Variants in AGBL4 observed in about 807,000 individuals in gnomAD.
AGBL4 encodes the protein cytosolic carboxypeptidase 6.
AGBL4 carries 58 observed loss-of-function variants against 66.4 expected under a neutral mutation model. The observed-to-expected ratio is 0.87, with a 90% CI of 0.71 to 1.09. The LOEUF is 1.09. Ranked by LOEUF, AGBL4 falls within the 50% of genes least tolerant of loss-of-function variation. AGBL4 has a pLI of 0.00. For synonymous variants in AGBL4, 234 were observed against 222.9 expected, an observed-to-expected ratio of 1.05 and a Z score of -0.44; for missense variants, 579 against 631.0, an observed-to-expected ratio of 0.92 and a Z score of 0.88.
intron 3 of AGBL4, among the ~76,000 whole-genome samples, chr1:49,694,901 G>C (rs1196186249): frequency 6.6e-6 from 1 of 151,988 alleles, no homozygotes; most frequent in East Asian, 1.9e-4. Flanking sequence ...CCTTGTATAA[G>C]CTGTATAAAG....
intron 1 of AGBL4, among the ~76,000 whole-genome samples, chr1:49,881,651 T>A (rs1038816323): frequency 6.6e-6 from 1 of 151,078 alleles, no homozygotes; most frequent in African/African-American, 2.5e-5. Flanking sequence ...TGATGAGCAT[T>A]TTTTCATGTG....
At chr1:49,018,612 C>T (rs1663002121) in intron 5 of AGBL4, among the ~76,000 whole-genome samples, 1 of 152,194 alleles carries the variant, frequency 6.6e-6, no homozygotes, top group African/African-American at 2.4e-5. Context: ...GGGTCCTGAG[C>T]ATCCAAGCTG....
At chr1:49,401,116 A>G (rs571107554) in intron 3 of AGBL4, among the ~76,000 whole-genome samples, 3 of 152,336 alleles carry the variant, frequency 2.0e-5, no homozygotes, top group African/African-American at 7.2e-5. Context: ...TTTATAAAGA[A>G]AAGAGGTTTA....
intron 1 of AGBL4, among the ~76,000 whole-genome samples, chr1:49,895,664 G>A (rs1649124481): frequency 6.6e-6 from 1 of 151,920 alleles, no homozygotes; most frequent in Non-Finnish European, 1.5e-5. Context: ...TGAGAATAAT[G>A]TGTTCTAAAA....
intron 4 of AGBL4, among the ~76,000 whole-genome samples, chr1:49,131,774 T>C (rs574556530): frequency 6.6e-6 from 1 of 152,252 alleles, no homozygotes; most frequent in South Asian, 2.1e-4. Flanking sequence ...AAGAATAATG[T>C]TCTAATTTCT....
At chr1:48,669,121 G>A (rs74076216) in intron 6 of AGBL4, among the ~76,000 whole-genome samples, 1,968 of 152,214 alleles carry the variant, frequency 0.013, 45 homozygotes, top group African/African-American at 0.044. Context: ...AGATGGACTG[G>A]GTCTCATAAC....
At chr1:49,844,026 C>T (rs551308408) in intron 2 of AGBL4, among the ~76,000 whole-genome samples, 1 of 152,296 alleles carries the variant, frequency 6.6e-6, no homozygotes, top group Admixed American at 6.5e-5. Flanking sequence ...TGGACAGAAA[C>T]TCCTACTCTC....
intron 6 of AGBL4, among the ~76,000 whole-genome samples, chr1:48,852,846 G>C (rs1444116006): frequency 6.6e-6 from 1 of 152,136 alleles, no homozygotes; most frequent in African/African-American, 2.4e-5. Flanking sequence ...GGAGAAATGA[G>C]AAAAGATAAG....
At chr1:49,448,804 G>T (rs1012252081) in intron 3 of AGBL4, among the ~76,000 whole-genome samples, 1 of 152,128 alleles carries the variant, frequency 6.6e-6, no homozygotes, top group Non-Finnish European at 1.5e-5. Context: ...GAACAATTAA[G>T]ATGAATGCTA....
intron 1 of AGBL4, among the ~76,000 whole-genome samples, chr1:49,889,051 TAAAC>T (rs1240194061): frequency 2.0e-5 from 3 of 152,218 alleles, no homozygotes; most frequent in Non-Finnish European, 2.9e-5. Flanking sequence ...TAATAACTGT[TAAAC>T]AATTAAAGAA....
chr1:48,677,450 A>G (rs557455099), intron 6 of AGBL4, among the ~76,000 whole-genome samples: 1 of 152,186 alleles, frequency 6.6e-6, no homozygotes, highest in Non-Finnish European at 1.5e-5. Context: ...CTAGGAGGGT[A>G]GGAGAAGGGA....
intron 3 of AGBL4, among the ~76,000 whole-genome samples, chr1:49,371,101 C>T (rs915899046): frequency 6.6e-6 from 1 of 152,174 alleles, no homozygotes; most frequent in African/African-American, 2.4e-5. Flanking sequence ...CCCTGGGCAC[C>T]CAGGCTACTG....
At chr1:49,658,877 G>A (rs944371700) in intron 3 of AGBL4, among the ~76,000 whole-genome samples, 6 of 151,504 alleles carry the variant, frequency 4.0e-5, no homozygotes, top group Non-Finnish European at 7.4e-5. Flanking sequence ...GGAATGGGGG[G>A]AGGGATAGCA....
At chr1:48,628,966 C>G (rs569879180) in intron 9 of AGBL4, among the ~76,000 whole-genome samples, 136 of 86,414 alleles carry the variant, frequency 1.6e-3, no homozygotes, top group Middle Eastern at 7.7e-3. Context: ...TAAGCTTCTC[C>G]CGACTGGGAC....
chr1:48,748,064 AT>A (rs917679009), intron 6 of AGBL4, among the ~76,000 whole-genome samples: 1 of 152,230 alleles, frequency 6.6e-6, no homozygotes, highest in African/African-American at 2.4e-5. Flanking sequence ...CGTACAGAAC[AT>A]CTGCTGTGGC....
chr1:49,493,234 G>T (rs934463096), intron 3 of AGBL4, among the ~76,000 whole-genome samples: 2 of 151,926 alleles, frequency 1.3e-5, no homozygotes, highest in Non-Finnish European at 2.9e-5. Flanking sequence ...TAAGCACTTT[G>T]TATATGTTAA....
At chr1:49,117,305 C>T (rs1645546694) in intron 4 of AGBL4, among the ~76,000 whole-genome samples, 1 of 152,156 alleles carries the variant, frequency 6.6e-6, no homozygotes, top group Non-Finnish European at 1.5e-5. Context: ...ATGCCTATGT[C>T]CTGAATGGTA....
intron 1 of AGBL4, among the ~76,000 whole-genome samples, chr1:50,009,792 TAAAC>T (rs1011156734): frequency 1.1e-4 from 17 of 152,198 alleles, no homozygotes; most frequent in African/African-American, 3.9e-4. Flanking sequence ...TTAGAACTGA[TAAAC>T]AAAGTTGCAG....
At chr1:49,907,761 T>G (rs1200212035) in intron 1 of AGBL4, among the ~76,000 whole-genome samples, 1 of 152,130 alleles carries the variant, frequency 6.6e-6, no homozygotes, top group Non-Finnish European at 1.5e-5. Flanking sequence ...ATGAAACATT[T>G]GCCCAAACTC....
Sources: allele counts gnomAD v4.1 joint callset (sites outside exome capture counted in the v4.1 genomes callset), GRCh38; gene constraint gnomAD v4.1.1; transcripts MANE v1.5; gene names NCBI Gene and HGNC (gene_info 2026-07-23, HGNC 2026-07-21).